FGF12: variants seen among roughly 807,000 people sequenced by gnomAD.
FGF12 encodes the protein fibroblast growth factor 12.
A neutral mutation model predicts 23.6 loss-of-function variants in FGF12; 14 were observed. That is an observed-to-expected ratio of 0.59 (90% CI 0.39 to 0.93). FGF12 has a LOEUF of 0.93. FGF12 is among the 40% of genes least tolerant of loss of function. The pLI, the probability that FGF12 is intolerant of heterozygous loss-of-function variation, is 0.00. For missense variants in FGF12, 175 were observed against 217.8 expected (o/e 0.80, Z 1.24); for synonymous variants, 62 against 77.3 (o/e 0.80, Z 1.04).
At chr3:192,456,031 C>A (rs1277856448) in intron 2 of FGF12, among the ~76,000 whole-genome samples, 1 of 152,170 alleles carries the variant, frequency 6.6e-6, no homozygotes, top group Admixed American at 6.5e-5. Context: ...GTTATCAACT[C>A]AACCTGACTC....
intron 2 of FGF12, among the ~76,000 whole-genome samples, chr3:192,564,926 T>C (rs931112659): frequency 6.6e-6 from 1 of 152,234 alleles, no homozygotes; most frequent in Non-Finnish European, 1.5e-5. Context: ...TGTGGGACTT[T>C]CCCACACCTT....
chr3:192,672,878 CT>C (rs1213511647), intron 2 of FGF12: 1 of 150,714 alleles, frequency 6.6e-6, no homozygotes, highest in Non-Finnish European at 1.5e-5. Flanking sequence ...TTATGAGCTC[CT>C]ACTGTGTGCT....
chr3:192,376,437 A>C (rs1026367103), intron 2 of FGF12, among the ~76,000 whole-genome samples: 1 of 151,984 alleles, frequency 6.6e-6, no homozygotes, highest in African/African-American at 2.4e-5. Flanking sequence ...ATCTTGGCTG[A>C]CCGCAACCTC....
intron 2 of FGF12, among the ~76,000 whole-genome samples, chr3:192,398,386 CTTTTTT>C (rs749956480): frequency 1.4e-5 from 1 of 72,416 alleles, no homozygotes; most frequent in South Asian, 5.1e-4. Context: ...TTTCTTTTTT[CTTTTTT>C]TTTTTTTTTC....
intron 2 of FGF12, among the ~76,000 whole-genome samples, chr3:192,417,139 T>G (rs565852807): frequency 1.3e-5 from 2 of 152,098 alleles, no homozygotes; most frequent in East Asian, 3.9e-4. Context: ...AATTGTCTCC[T>G]GGTTGGTTGA....
At chr3:192,680,528 A>C (rs1325946035) in intron 2 of FGF12, among the ~76,000 whole-genome samples, 2 of 152,202 alleles carry the variant, frequency 1.3e-5, no homozygotes, top group East Asian at 3.9e-4. Flanking sequence ...CAAAGAGGTC[A>C]GACTGTGTTG....
rs1401696150 is a variant in FGF12, at chr3:192,705,421, G to A, written c.13+21760C>T. Among the ~76,000 whole-genome samples the A allele has an allele frequency of 3.9e-5, 6 of 152,298 alleles. No individual in the cohort carries two copies. The East Asian group carries it at 1.2e-3, about 29-fold the overall frequency. On this transcript the variant is annotated intron_variant, in intron 2 of 5. Transcript: ENST00000445105. Reference sequence around the variant, plus strand: ...TCAGAACACACACAAGAATTAACAGGTGAAATTCTGTTTGAGAAGTCAATT... The same window carrying A: ...TCAGAACACACACAAGAATTAACAGATGAAATTCTGTTTGAGAAGTCAATT...
rs534367973 is a variant in FGF12, at chr3:192,368,989, C to G, written c.14-8451G>C. ...CTTCCACAGGGTCTTCCCTGACACC[C>G]TGAGGCAAAATTAATCACTTCCTCT... is the stretch of plus-strand genomic sequence containing the variant. On this transcript the variant is annotated intron_variant, in intron 2 of 5. Transcript: ENST00000445105. Among the ~76,000 whole-genome samples, 7 of 152,250 alleles carry G rather than the reference C, an allele frequency of 4.6e-5. No individual in the cohort carries two copies. The East Asian group carries it at 1.4e-3, about 29-fold the overall frequency.
At chr3:192,368,110 A>G (rs1719065086) in intron 2 of FGF12, among the ~76,000 whole-genome samples, 1 of 148,820 alleles carries the variant, frequency 6.7e-6, no homozygotes, top group Non-Finnish European at 1.5e-5. Flanking sequence ...CTCCCCTTCC[A>G]AAAAAAAACA....
chr3:192,392,336 A>G (rs1687310214), intron 2 of FGF12, among the ~76,000 whole-genome samples: 1 of 152,000 alleles, frequency 6.6e-6, no homozygotes, highest in Non-Finnish European at 1.5e-5. Context: ...TGGGAGGCCA[A>G]GGTGGGCTGA....
At chr3:192,243,494 T>A (rs1719724697) in intron 4 of FGF12, among the ~76,000 whole-genome samples, 2 of 150,938 alleles carry the variant, frequency 1.3e-5, no homozygotes, top group African/African-American at 4.9e-5. Flanking sequence ...AAAGATAGTT[T>A]ATTTAAAATA....
At chr3:192,375,509 G>A (rs74725070) in intron 2 of FGF12, among the ~76,000 whole-genome samples, 2,919 of 152,100 alleles carry the variant, frequency 0.019, 66 homozygotes, top group East Asian at 0.077. Context: ...AATGCAAACG[G>A]CTAAAAACTC....
At chr3:192,565,172 G>C (rs1712218813) in intron 2 of FGF12, among the ~76,000 whole-genome samples, 1 of 152,202 alleles carries the variant, frequency 6.6e-6, no homozygotes, top group Non-Finnish European at 1.5e-5. Context: ...AATATAATGA[G>C]AGTTCCAAGA....
At chr3:192,527,849 A>G (rs1358070526) in intron 2 of FGF12, among the ~76,000 whole-genome samples, 1 of 152,186 alleles carries the variant, frequency 6.6e-6, no homozygotes, top group Non-Finnish European at 1.5e-5. Context: ...GCGGCAGACA[A>G]GAGAAGACAG....
chr3:192,235,022 C>A (rs1029780056), intron 4 of FGF12, among the ~76,000 whole-genome samples: 1 of 152,002 alleles, frequency 6.6e-6, no homozygotes, highest in Non-Finnish European at 1.5e-5. Context: ...CGTGTCTCTG[C>A]CAGGTTTTGG....
At chr3:192,243,857 G>C (rs1322659983) in intron 4 of FGF12, among the ~76,000 whole-genome samples, 1 of 151,952 alleles carries the variant, frequency 6.6e-6, no homozygotes, top group Admixed American at 6.6e-5. Flanking sequence ...GAATATAAAA[G>C]GGTTCCTTCA....
chr3:192,725,542 A>G (rs1719184665), intron 2 of FGF12, among the ~76,000 whole-genome samples: 1 of 152,164 alleles, frequency 6.6e-6, no homozygotes. Flanking sequence ...CTGGAATGCT[A>G]AGTGACACGT....
chr3:192,461,628 T>C (rs1266928750), intron 2 of FGF12, among the ~76,000 whole-genome samples: 1 of 152,208 alleles, frequency 6.6e-6, no homozygotes, highest in Non-Finnish European at 1.5e-5. Flanking sequence ...AATTCACTTT[T>C]CAGTTATCTG....
chr3:192,469,672 G>A (rs1723113330), intron 2 of FGF12, among the ~76,000 whole-genome samples: 1 of 152,172 alleles, frequency 6.6e-6, no homozygotes, highest in African/African-American at 2.4e-5. Context: ...TTTACCCAAG[G>A]TCTATAAAGG....
Sources: allele counts gnomAD v4.1 joint callset (sites outside exome capture counted in the v4.1 genomes callset), GRCh38; gene constraint gnomAD v4.1.1; transcripts MANE v1.5; gene names NCBI Gene and HGNC (gene_info 2026-07-23, HGNC 2026-07-21).